EHD2: variants seen among roughly 807,000 people sequenced by gnomAD.
The protein encoded by EHD2 is EH domain containing 2.
Under a neutral mutation model 41.0 loss-of-function variants are expected in EHD2, and 27 were observed. The observed-to-expected ratio is 0.66, with a 90% CI of 0.49 to 0.91. The LOEUF is 0.91. Ranked by LOEUF, EHD2 falls within the 40% of genes least tolerant of loss-of-function variation. EHD2 has a pLI of 0.00. For synonymous variants in EHD2, 342 were observed against 341.0 expected, an observed-to-expected ratio of 1.00 and a Z score of -0.03; for missense variants, 673 against 773.9, an observed-to-expected ratio of 0.87 and a Z score of 1.55.
intron 5 of EHD2, among the ~76,000 whole-genome samples, chr19:47,740,509 AG>A (rs1462613800): frequency 6.6e-6 from 1 of 151,170 alleles, no homozygotes; most frequent in Non-Finnish European, 1.5e-5. Flanking sequence ...CAGCATTGGG[AG>A]GCTGAGGCGG....
intron 5 of EHD2, among the ~76,000 whole-genome samples, chr19:47,738,981 C>A (rs1966953941): frequency 6.6e-6 from 1 of 152,162 alleles, no homozygotes; most frequent in African/African-American, 2.4e-5. Flanking sequence ...CCCTGATGAT[C>A]TGATCATCTC....
In EHD2 at chr19:47,743,063, C is replaced by A. The variant is rs1007894412; in HGVS notation, c.*1631C>A. On this transcript the variant is annotated 3_prime_UTR_variant, in exon 6 of 6. Transcript: ENST00000263277. ...TTCCCACGCCCACCACTGTCCCCCACCCCATGGCTGGGAGGGGCCTCTGAA... is the reference window on the plus strand; with the variant it reads ...TTCCCACGCCCACCACTGTCCCCCAACCCATGGCTGGGAGGGGCCTCTGAA... 2.0e-5 allele frequency: 3 copies of A among 152,544 alleles called. No individual in the cohort carries two copies. Among genetic ancestry groups the A allele is most frequent in the African/African-American group, 7.2e-5 (3 of 41,468 alleles). 9.4% of individuals were successfully genotyped at this position (152,544 alleles called of 1,614,324 possible).
rs766138176 is a variant in EHD2, at chr19:47,716,872, G to A, written c.260G>A (p.Arg87His). 6.2e-6 allele frequency: 10 copies of A among 1,611,972 alleles called. No individual in the cohort carries two copies. The highest frequency in any genetic ancestry group is 2.2e-5 in the South Asian group (2 of 90,938). ...YLLEQEVPGS[R>H]VGPEPTTDCF... ...CTGGAGCAGGAGGTGCCCGGCTCCC[G>A]CGTGGGGCCTGAGCCCACCACCGAC... The change falls in exon 2 of 6, where the codon CGC (arginine) becomes CAC (histidine). Residue 87 changes from arginine to histidine, a missense_variant. Transcript: ENST00000263277.
rs57266469 is a variant in EHD2, at chr19:47,739,274, ATTTTTTTTTTTT to A, written c.1081-1591_1081-1580del. Among the ~76,000 whole-genome samples, 190 of 116,060 alleles carry A rather than the reference ATTTTTTTTTTTT, an allele frequency of 1.6e-3. 1 individual carries two copies. Among genetic ancestry groups the A allele is most frequent in the Admixed American group, 3.5e-3 (35 of 9,984 alleles). The allele number at this position is 116,060 out of a possible 152,430, so 76.1% of individuals were successfully genotyped here. A position where few individuals can be genotyped will look rare whatever the true frequency, so the allele number is the denominator to read the frequency against. Reference sequence around the variant, plus strand: ...CACCACCACACCTGGCTAATTTTTAATTTTTTTTTTTTTTTTTTTTTTTTTTTAAGAAATAGG... The same window carrying A: ...CACCACCACACCTGGCTAATTTTTAATTTTTTTTTTTTTTTAAGAAATAGG... On this transcript the variant is annotated intron_variant, in intron 5 of 5. Coordinates refer to ENST00000263277, the MANE Select transcript of EHD2 (RefSeq NM_014601.4).
chr19:47,732,527 T>C (rs1966883309), intron 4 of EHD2, among the ~76,000 whole-genome samples: 1 of 152,048 alleles, frequency 6.6e-6, no homozygotes, highest in Non-Finnish European at 1.5e-5. Flanking sequence ...CAAGTGATCC[T>C]CCCTCCTCAG....
At chr19:47,731,956 T>C (rs1966880314) in intron 4 of EHD2, 1 of 151,172 alleles carries the variant, frequency 6.6e-6, no homozygotes, top group Non-Finnish European at 1.5e-5. Flanking sequence ...CCTGGCTAAT[T>C]TTTTGTATTT....
chr19:47,721,252 G>C (rs1009528905), intron 3 of EHD2, among the ~76,000 whole-genome samples: 3 of 152,018 alleles, frequency 2.0e-5, no homozygotes, highest in African/African-American at 7.2e-5. Context: ...ACACACGCAT[G>C]TGTGATTGTA....
At position 47,743,105 on chromosome 19, in the gene EHD2, C is replaced by T. The variant is rs560019988; in HGVS notation, c.*1673C>T. The T allele has an allele frequency of 6.6e-6, 1 of 152,530 alleles. No homozygotes were observed. Among genetic ancestry groups the T allele is most frequent in the African/African-American group, 2.4e-5 (1 of 41,594 alleles). 9.4% of individuals were successfully genotyped at this position (152,530 alleles called of 1,614,324 possible). On this transcript the variant is annotated 3_prime_UTR_variant, in exon 6 of 6. Transcript: ENST00000263277. ...GCCTCTGAACGGAACAGTGTCCCCA[C>T]AGAGCGAATAAAGCCAAGGCTTCTT...
At chr19:47,730,098 C>G (rs957652249) in intron 4 of EHD2, among the ~76,000 whole-genome samples, 13 of 152,028 alleles carry the variant, frequency 8.6e-5, no homozygotes, top group Non-Finnish European at 1.6e-4. Context: ...ACACCTGGTG[C>G]CCCCGCCGGG....
intron 5 of EHD2, among the ~76,000 whole-genome samples, 182 bp downstream of exon 5, chr19:47,736,715 CA>C (rs1273063489): frequency 6.6e-6 from 1 of 152,088 alleles, no homozygotes; most frequent in East Asian, 1.9e-4. Flanking sequence ...AGAGAAAACC[CA>C]AAATAACAGT....
chr19:47,728,013 T>G (rs781097761), intron 4 of EHD2, among the ~76,000 whole-genome samples: 7 of 150,476 alleles, frequency 4.7e-5, no homozygotes, highest in Non-Finnish European at 1.0e-4. Context: ...TGAGAATCAC[T>G]TGAACCCGGG....
At position 47,719,946 on chromosome 19, in the gene EHD2, A is replaced by ATGTG. The variant is rs59665711; in HGVS notation, c.502+1361_502+1364dup. Among the ~76,000 whole-genome samples the ATGTG allele has an allele frequency of 0.082, 12,016 of 146,970 alleles. 525 individuals carry two copies. Among genetic ancestry groups the ATGTG allele is most frequent in the Non-Finnish European group, 0.1 (6,915 of 66,858 alleles). ...AGAGTGTCCAGCTGTTGGTGTGTATATGTGTGTGTGTGTGTGTGTGTGTGA... is the reference window on the plus strand; with the variant it reads ...AGAGTGTCCAGCTGTTGGTGTGTATATGTGTGTGTGTGTGTGTGTGTGTGTGTGA... On this transcript the variant is annotated intron_variant, in intron 3 of 5. Coordinates refer to ENST00000263277, the MANE Select transcript of EHD2 (RefSeq NM_014601.4). This position sits in a 1 kb window ranked among gnomAD's most constrained non-coding sequence, Gnocchi z 4.1.
Position 47,716,721 on chromosome 19 carries a change from G to A in EHD2, c.109G>A (p.Glu37Lys). Residue 37 changes from glutamate to lysine, a missense_variant, in exon 2 of 6, where the codon GAG becomes AAG. Physicochemically the swap from Glu to Lys is moderately conservative, Grantham distance 56. Transcript: ENST00000263277. ...GTACCGCACGAAGCTGCTGCCGCTG[G>A]AGGAGCACTACCGCTTTGGGGCCTT... Reference protein sequence around the residue: ...ELYRTKLLPLEEHYRFGAFHS... With the variant: ...ELYRTKLLPLKEHYRFGAFHS... 1 of 1,613,298 alleles carries A rather than the reference G, an allele frequency of 6.2e-7. No individual in the cohort carries two copies. The highest frequency in any genetic ancestry group is 8.5e-7 in the Non-Finnish European group (1 of 1,179,742).
Position 47,742,524 on chromosome 19 carries a change from G to C in EHD2, c.*1092G>C, listed in dbSNP as rs1357087149. On this transcript the variant is annotated 3_prime_UTR_variant, in exon 6 of 6. Coordinates refer to ENST00000263277, the MANE Select transcript of EHD2 (RefSeq NM_014601.4). The stretch of plus-strand genomic sequence containing the variant: ...GCATCTCAGGTGATCTGCTCGCCTT[G>C]GCCTCCCAAAGTGATGGGATTACAG... 1 of 155,882 alleles carries C rather than the reference G, an allele frequency of 6.4e-6. No homozygotes were observed. Among genetic ancestry groups the C allele is most frequent in the Non-Finnish European group, 1.4e-5 (1 of 70,948 alleles). 9.7% of individuals were successfully genotyped at this position (155,882 alleles called of 1,614,324 possible).
intron 3 of EHD2, among the ~76,000 whole-genome samples, chr19:47,722,153 A>G (rs1336919926): frequency 6.6e-6 from 1 of 152,180 alleles, no homozygotes; most frequent in Non-Finnish European, 1.5e-5. Flanking sequence ...GTGTGTGCAC[A>G]CAGTAGGCGC....
At position 47,741,410 on chromosome 19, in the gene EHD2, G is replaced by A. The variant is rs1452949326; in HGVS notation, c.1610G>A (p.Arg537His). The A allele has an allele frequency of 6.3e-6, 10 of 1,585,914 alleles. No homozygotes were observed. The highest frequency in any genetic ancestry group is 4.2e-5 in the African/African-American group (3 of 72,144). ...PRRLVPPSKR[R>H]HKGSAE ...CGCCTGGTGCCACCCTCCAAGCGAC[G>A]CCACAAGGGCTCCGCCGAGTGAGCC... Residue 537 changes from arginine to histidine, a missense_variant, in exon 6 of 6, where the codon CGC (arginine) becomes CAC (histidine). By Grantham distance (29) the Arg-to-His change is conservative (BLOSUM62 0). Transcript: ENST00000263277. This position sits in a 1 kb window ranked among gnomAD's most constrained non-coding sequence, Gnocchi z 4.5.
chr19:47,737,876 CTTTT>C (rs1226699986), intron 5 of EHD2, among the ~76,000 whole-genome samples: 1 of 100,052 alleles, frequency 1.0e-5, no homozygotes. Context: ...GCCTGGCTAG[CTTTT>C]TTTTTTTTTT....
chr19:47,718,867 T>C (rs28480246), intron 3 of EHD2, among the ~76,000 whole-genome samples: 48 of 106,020 alleles, frequency 4.5e-4, no homozygotes, highest in African/African-American at 1.8e-3. Flanking sequence ...GGGACTGGGG[T>C]CTGGACTCCT....
At chr19:47,735,154 G>C (rs1342079904) in intron 4 of EHD2, among the ~76,000 whole-genome samples, 1 of 152,218 alleles carries the variant, frequency 6.6e-6, no homozygotes, top group East Asian at 1.9e-4. Context: ...CACAGCTGAG[G>C]GCGACACAGC....
Sources: gnomAD v4.1 joint callset for allele counts (sites outside exome capture counted in the v4.1 genomes callset) on GRCh38, gnomAD v4.1.1 for gene constraint, Gnocchi (gnomAD v3.1) non-coding constraint, MANE v1.5 for transcripts, NCBI Gene and HGNC (gene_info 2026-07-23, HGNC 2026-07-21) for gene names.